Variants in ASS1 observed in about 807,000 individuals in gnomAD.
ASS1 encodes argininosuccinate synthase.
Under a neutral mutation model 60.5 loss-of-function variants are expected in ASS1, and 58 were observed. The ratio of observed to expected loss-of-function variants is 0.96; its 90% CI spans 0.78 to 1.19. ASS1 has a LOEUF of 1.19. ASS1 is among the 50% of genes most tolerant of loss of function. The probability of loss-of-function intolerance (pLI) is 0.00; values close to 1 mark genes in which losing one functional copy is unlikely to be tolerated. For synonymous variants in ASS1, 200 were observed against 206.9 expected (o/e 0.97, Z 0.29); for missense variants, 454 against 547.3 (o/e 0.83, Z 1.70).
At chr9:130,487,041 C>A (rs559184992) in intron 11 of ASS1, among the ~76,000 whole-genome samples, 1 of 152,182 alleles carries the variant, frequency 6.6e-6, no homozygotes, top group East Asian at 1.9e-4. Context: ...CAAGCCACCC[C>A]CCTCCCCAGG....
chr9:130,468,593 A>ATATT (rs1389927932), intron 6 of ASS1, among the ~76,000 whole-genome samples: 3 of 151,756 alleles, frequency 2.0e-5, no homozygotes, highest in Middle Eastern at 3.2e-3. Context: ...TGTTTTTCAT[A>ATATT]TATTTATTTA....
intron 4 of ASS1, among the ~76,000 whole-genome samples, chr9:130,461,419 G>A (rs1027433020): frequency 6.6e-6 from 1 of 152,174 alleles, no homozygotes; most frequent in African/African-American, 2.4e-5. Flanking sequence ...CACCACCGGG[G>A]TCCTCTGTTC....
Position 130,489,238 on chromosome 9 carries a change from TA to T in ASS1, c.839-94del. The T allele has an allele frequency of 1.3e-6, 2 of 1,504,720 alleles. No homozygotes were observed. The highest frequency in any genetic ancestry group is 1.8e-6 in the Non-Finnish European group (2 of 1,095,548). 93.2% of individuals were successfully genotyped at this position (1,504,720 alleles called of 1,614,324 possible). ...TGTCTCCTGTCAGACGACTCATTAT[TA>T]TTATTATTTTTTTTTTTGTCATTTG... On this transcript the variant is annotated intron_variant, in intron 11 of 14. Transcript: ENST00000352480. This position sits in a 1 kb window ranked among gnomAD's most constrained non-coding sequence, Gnocchi z 4.1.
Position 130,453,685 on chromosome 9 carries a change from C to T in ASS1, c.106-620C>T, listed in dbSNP as rs182261615. The stretch of plus-strand genomic sequence containing the variant: ...TGGCAAGATTCCAGGGTCTGGTGAG[C>T]CGAATGAAGGGAGTGAGGGCTGAGG... On this transcript the variant is annotated intron_variant, in intron 2 of 14. Transcript: ENST00000352480. Among the ~76,000 whole-genome samples the T allele has an allele frequency of 1.4e-3, 216 of 152,298 alleles. 2 individuals carry two copies. Among genetic ancestry groups the T allele is most frequent in the Middle Eastern group, 6.8e-3 (2 of 294 alleles).
intron 2 of ASS1, among the ~76,000 whole-genome samples, chr9:130,453,498 G>A (rs927455990): frequency 2.0e-5 from 3 of 152,260 alleles, no homozygotes; most frequent in African/African-American, 4.8e-5. Flanking sequence ...GTGGGTGAGA[G>A]CACAGCTTTG....
chr9:130,489,193 G>A lies in ASS1; in HGVS notation c.839-140G>A. The A allele has an allele frequency of 8.5e-7, 1 of 1,176,868 alleles. No individual in the cohort carries two copies. The highest frequency in any genetic ancestry group is 1.2e-6 in the Non-Finnish European group (1 of 829,720). The allele number at this position is 1,176,868 out of a possible 1,614,324, so 72.9% of individuals were successfully genotyped here. A position where few individuals can be genotyped will look rare whatever the true frequency, so the allele number is the denominator to read the frequency against. ...AGATGCATTTTGCAGCAAGCTGGGA[G>A]TGAATGGGTCCGGCCGGCTTGTCTC... On this transcript the variant is annotated intron_variant, in intron 11 of 14. Coordinates refer to ENST00000352480, the MANE Select transcript of ASS1 (RefSeq NM_054012.4). This position sits in a 1 kb window ranked among gnomAD's most constrained non-coding sequence, Gnocchi z 4.1.
Position 130,470,887 on chromosome 9 carries a change from GA to G in ASS1, c.551del (p.Asn184ThrfsTer50). On this transcript the variant is annotated frameshift_variant, in exon 7 of 15. Transcript: ENST00000352480. LOFTEE classifies it high-confidence loss of function. This position sits in a 1 kb window ranked among gnomAD's most constrained non-coding sequence, Gnocchi z 4.3. ...TPKNPWSMDENLMHISYEAGI... is the reference protein window; with the variant it reads ...TPKNPWSMDEXLMHISYEAGI... ...CCAAGAACCCGTGGAGCATGGATGA[GA>G]ACCTCATGCACATCAGGTAAATCCC... 6.2e-7 allele frequency: 1 copy of G among 1,614,112 alleles called. No homozygotes were observed. The highest frequency in any genetic ancestry group is 1.1e-5 in the South Asian group (1 of 91,092).
chr9:130,471,333 C>A, intron 7 of ASS1, 152 bp from the exon 8 acceptor site: 1 of 947,802 alleles, frequency 1.1e-6, no homozygotes, highest in Non-Finnish European at 1.6e-6. Context: ...CTATGGTGGG[C>A]CCAGAATGTT....
chr9:130,461,617 G>A (rs139397462), intron 4 of ASS1, among the ~76,000 whole-genome samples: 2 of 152,320 alleles, frequency 1.3e-5, no homozygotes, highest in East Asian at 3.9e-4. Flanking sequence ...CAGGCAAGGC[G>A]TACTTCTGCG....
In ASS1 at chr9:130,501,250, A is replaced by G; in HGVS notation, c.*229A>G. ...GGGGAGCTATAAAAATGACAATTAA[A>G]AGAGACACTAGTCTTTTATTTCTAG... On this transcript the variant is annotated 3_prime_UTR_variant, in exon 15 of 15. Transcript: ENST00000352480. The G allele has an allele frequency of 1.8e-6, 1 of 546,468 alleles. No homozygotes were observed. Among genetic ancestry groups the G allele is most frequent in the Non-Finnish European group, 3.3e-6 (1 of 304,580 alleles). 33.9% of individuals were successfully genotyped at this position (546,468 alleles called of 1,614,324 possible). A position where few individuals can be genotyped will look rare whatever the true frequency, so the allele number is the denominator to read the frequency against.
intron 12 of ASS1, among the ~76,000 whole-genome samples, chr9:130,490,752 C>A (rs547683298): frequency 3.3e-4 from 50 of 152,316 alleles, no homozygotes; most frequent in African/African-American, 1.2e-3. Flanking sequence ...GTCTGTGGCT[C>A]CCCTGGAGCG....
At position 130,459,966 on chromosome 9, in the gene ASS1, T is replaced by A. The variant is rs1462040694; in HGVS notation, c.363+1377T>A. Among the ~76,000 whole-genome samples, 1 of 152,204 alleles carries A rather than the reference T, an allele frequency of 6.6e-6. No homozygotes were observed. The highest frequency in any genetic ancestry group is 2.4e-5 in the African/African-American group (1 of 41,454). ...TGAGAAACCAGATTCCTGACAATGT[T>A]GGCAACTGTCAGCCGATGTTTTTAT... On this transcript the variant is annotated intron_variant, in intron 4 of 14. Transcript: ENST00000352480. This position sits in a 1 kb window ranked among gnomAD's most constrained non-coding sequence, Gnocchi z 4.6.
intron 1 of ASS1, among the ~76,000 whole-genome samples, chr9:130,451,122 T>C (rs1370666638): frequency 6.6e-6 from 1 of 151,846 alleles, no homozygotes; most frequent in Non-Finnish European, 1.5e-5. Flanking sequence ...AGGAGGCATG[T>C]GGGGGAGGGG....
chr9:130,472,621 G>C (rs746566038), intron 8 of ASS1, among the ~76,000 whole-genome samples: 21 of 152,184 alleles, frequency 1.4e-4, no homozygotes, highest in Non-Finnish European at 2.8e-4. Context: ...GTCCAAACCT[G>C]TCACTCAGGA....
At position 130,501,172 on chromosome 9, in the gene ASS1, C is replaced by A; in HGVS notation, c.*151C>A. The stretch of plus-strand genomic sequence containing the variant: ...GGCCCCAGCTTTGTTCCCTGGTCCC[C>A]CTGAAGCCTGCAAACGTTGTCATCG... On this transcript the variant is annotated 3_prime_UTR_variant, in exon 15 of 15. Transcript: ENST00000352480. 1.2e-6 allele frequency: 1 copy of A among 827,566 alleles called. No individual in the cohort carries two copies. Among genetic ancestry groups the A allele is most frequent in the Admixed American group, 2.1e-5 (1 of 48,248 alleles). The allele number at this position is 827,566 out of a possible 1,614,324, so 51.3% of individuals were successfully genotyped here. A position where few individuals can be genotyped will look rare whatever the true frequency, so the allele number is the denominator to read the frequency against.
rs117283199 is a variant in ASS1 at position 130,470,337 on chromosome 9, C to T, written c.496-497C>T. Among the ~76,000 whole-genome samples, 799 of 152,326 alleles carry T rather than the reference C, an allele frequency of 5.2e-3. 27 individuals are homozygous for T. Among genetic ancestry groups the T allele is most frequent in the Admixed American group, 0.038 (584 of 15,308 alleles). ...ATGTGTGTGGCTGTTGCGCCAGGCCCAGGGAGGGGTGCCCCCAGAAGGTGT... is the reference window on the plus strand; with the variant it reads ...ATGTGTGTGGCTGTTGCGCCAGGCCTAGGGAGGGGTGCCCCCAGAAGGTGT... On this transcript the variant is annotated intron_variant, in intron 6 of 14. Transcript: ENST00000352480. This position sits in a 1 kb window ranked among gnomAD's most constrained non-coding sequence, Gnocchi z 4.3.
At chr9:130,466,934 C>G in intron 6 of ASS1, 135 bp downstream of exon 6, 1 of 1,028,966 alleles carries the variant, frequency 9.7e-7, no homozygotes, top group Non-Finnish European at 1.5e-6. Flanking sequence ...AACTTCCACC[C>G]CAGCTGCCTA....
Position 130,499,545 on chromosome 9 carries a change from G to A in ASS1, c.1168G>A (p.Gly390Arg), listed in dbSNP as rs121908641. 3.2e-4 allele frequency: 510 copies of A among 1,613,642 alleles called. No individual in the cohort carries two copies. The highest frequency in any genetic ancestry group is 9.3e-4 in the South Asian group (85 of 90,926). Residue 390 changes from glycine to arginine, a missense_variant, in exon 14 of 15, where the codon GGG (glycine) becomes AGG (arginine). Gly to Arg is a moderately radical substitution (Grantham distance 125). Transcript: ENST00000352480. Reference protein sequence around the residue: ...QGDYEPTDATGFININSLRLK... With the variant: ...QGDYEPTDATRFININSLRLK... ...TGATTATGAGCCAACTGATGCCACC[G>A]GGTTCATCAACATCAATTCCCTCAG...
At position 130,476,901 on chromosome 9, in the gene ASS1, AC is replaced by A; in HGVS notation, c.631del (p.Gln211ArgfsTer23). The A allele has an allele frequency of 6.2e-7, 1 of 1,613,976 alleles. No homozygotes were observed. The highest frequency in any genetic ancestry group is 1.1e-5 in the South Asian group (1 of 91,062). ...NQAPPGLYTK[T>X]QDPAKAPNTP... ...AGCGCCTCCAGGTCTCTACACGAAG[AC>A]CCAGGACCCAGCCAAAGCCCCCAAC... On this transcript the variant is annotated frameshift_variant, in exon 9 of 15. Coordinates refer to ENST00000352480, the MANE Select transcript of ASS1 (RefSeq NM_054012.4). LOFTEE classifies it high-confidence loss of function. This position sits in a 1 kb window ranked among gnomAD's most constrained non-coding sequence, Gnocchi z 4.9.
Sources: gnomAD v4.1 joint callset for allele counts (sites outside exome capture counted in the v4.1 genomes callset) on GRCh38, gnomAD v4.1.1 for gene constraint, Gnocchi (gnomAD v3.1) non-coding constraint, MANE v1.5 for transcripts, NCBI Gene and HGNC (gene_info 2026-07-23, HGNC 2026-07-21) for gene names.